PLCB4: variants seen among roughly 807,000 people sequenced by gnomAD.
PLCB4 encodes phospholipase C beta 4.
In PLCB4, 77 loss-of-function variants were observed where a neutral mutation model predicts 178.8. The observed-to-expected ratio is 0.43, with a 90% CI of 0.36 to 0.52. PLCB4 has a LOEUF of 0.52. PLCB4 is among the 20% of genes least tolerant of loss of function. The pLI is 0.00. For synonymous variants in PLCB4, 496 were observed against 490.8 expected, an observed-to-expected ratio of 1.01 and a Z score of -0.14; for missense variants, 1,024 against 1,453.4, an observed-to-expected ratio of 0.70 and a Z score of 4.80.
chr20:9,203,477 A>T (rs2093575609), intron 2 of PLCB4, among the ~76,000 whole-genome samples: 1 of 152,200 alleles, frequency 6.6e-6, no homozygotes, highest in Admixed American at 6.5e-5. Context: ...TTCCTATGCT[A>T]CTATTCTTAG....
intron 2 of PLCB4, among the ~76,000 whole-genome samples, chr20:9,210,758 C>G (rs139945473): frequency 8.0e-4 from 122 of 152,236 alleles, no homozygotes; most frequent in South Asian, 4.2e-4. Context: ...TGGGCAGCCT[C>G]TCTGTGAATG....
intron 2 of PLCB4, among the ~76,000 whole-genome samples, chr20:9,098,916 C>T (rs948082969): frequency 1.3e-5 from 2 of 149,144 alleles, no homozygotes; most frequent in South Asian, 4.3e-4. Context: ...TGTCTGGCGA[C>T]GTATATATAT....
At chr20:9,212,074 C>G (rs1346423379) in intron 2 of PLCB4, among the ~76,000 whole-genome samples, 1 of 152,152 alleles carries the variant, frequency 6.6e-6, no homozygotes, top group Non-Finnish European at 1.5e-5. Context: ...GTGGGCTTGA[C>G]CATGTAACTA....
intron 3 of PLCB4, among the ~76,000 whole-genome samples, chr20:9,280,074 C>T (rs1233744510): frequency 6.6e-6 from 1 of 151,990 alleles, no homozygotes; most frequent in Non-Finnish European, 1.5e-5. Context: ...AGCCAAGGCA[C>T]TTGTAATAAG....
At chr20:9,360,121 C>G (rs1039216976) in intron 7 of PLCB4, among the ~76,000 whole-genome samples, 4 of 152,170 alleles carry the variant, frequency 2.6e-5, no homozygotes, top group Admixed American at 2.6e-4. Flanking sequence ...CCTGTCTGCC[C>G]TGCACCAGCT....
At chr20:9,369,189 G>A (rs574157080) in intron 9 of PLCB4, among the ~76,000 whole-genome samples, 3 of 152,160 alleles carry the variant, frequency 2.0e-5, no homozygotes, top group African/African-American at 4.8e-5. Flanking sequence ...CTCCACACCC[G>A]CTGATTTCAT....
chr20:9,124,890 C>A (rs1360595766), intron 2 of PLCB4, among the ~76,000 whole-genome samples: 7 of 152,052 alleles, frequency 4.6e-5, no homozygotes, highest in Non-Finnish European at 1.0e-4. Flanking sequence ...GTTTTTATCT[C>A]CTGTATTGTA....
At chr20:9,149,871 G>A (rs1259270862) in intron 2 of PLCB4, among the ~76,000 whole-genome samples, 9 of 152,156 alleles carry the variant, frequency 5.9e-5, no homozygotes, top group Admixed American at 2.6e-4. Context: ...GGGAAAGGAC[G>A]GATTCAGGAC....
chr20:9,267,129 C>T (rs2094357255), intron 3 of PLCB4, among the ~76,000 whole-genome samples: 1 of 152,142 alleles, frequency 6.6e-6, no homozygotes, highest in Non-Finnish European at 1.5e-5. Context: ...AACTTAGGTA[C>T]TCTCTCTAGT....
At chr20:9,222,902 G>T (rs2093817073) in intron 3 of PLCB4, among the ~76,000 whole-genome samples, 1 of 152,166 alleles carries the variant, frequency 6.6e-6, no homozygotes, top group African/African-American at 2.4e-5. Context: ...AAGGAAATGA[G>T]GCAGCACCGT....
rs2093935188 is a variant in PLCB4 at position 9,231,718 on chromosome 20, A to C, written c.-16+14266A>C. On this transcript the variant is annotated intron_variant, in intron 3 of 39. Coordinates refer to ENST00000378473, the MANE Select transcript of PLCB4 (RefSeq NM_001377142.1). Reference sequence around the variant, plus strand: ...AAAGCAATCATAAAATTTTCAGTACATTTACATAAAAAACATCTTGGCAGA... The same window carrying C: ...AAAGCAATCATAAAATTTTCAGTACCTTTACATAAAAAACATCTTGGCAGA... Among the ~76,000 whole-genome samples the C allele has an allele frequency of 1.3e-5, 2 of 152,154 alleles. 1 individual carries two copies. The highest frequency in any genetic ancestry group is 4.1e-4 in the South Asian group (2 of 4,830).
intron 19 of PLCB4, among the ~76,000 whole-genome samples, chr20:9,399,098 G>A (rs190616734): frequency 2.0e-5 from 3 of 152,340 alleles, no homozygotes; most frequent in Admixed American, 1.3e-4. Flanking sequence ...ATGGCTTCAT[G>A]TATTATTCTT....
chr20:9,163,399 A>G (rs917166607), intron 2 of PLCB4, among the ~76,000 whole-genome samples: 8 of 152,200 alleles, frequency 5.3e-5, no homozygotes, highest in Non-Finnish European at 1.0e-4. Flanking sequence ...TTAGAGCCCC[A>G]GCAGGTGGAT....
intron 2 of PLCB4, among the ~76,000 whole-genome samples, chr20:9,204,766 T>TA (rs939120681): frequency 2.0e-5 from 3 of 152,132 alleles, no homozygotes; most frequent in African/African-American, 7.2e-5. Context: ...GGGGAATGTA[T>TA]ATTAGGCTTA....
chr20:9,405,680 G>A (rs2039385782), intron 21 of PLCB4, among the ~76,000 whole-genome samples: 1 of 152,172 alleles, frequency 6.6e-6, no homozygotes, highest in Admixed American at 6.5e-5. Context: ...CATTCTGGAA[G>A]ATCACTGATT....
intron 2 of PLCB4, among the ~76,000 whole-genome samples, chr20:9,110,059 T>G (rs892244031): frequency 2.0e-4 from 30 of 152,140 alleles, no homozygotes; most frequent in African/African-American, 7.2e-4. Flanking sequence ...ATTATTATTA[T>G]TAAGCAATGG....
chr20:9,364,275 T>C (rs1382828415), intron 8 of PLCB4, among the ~76,000 whole-genome samples: 2 of 152,202 alleles, frequency 1.3e-5, no homozygotes, highest in African/African-American at 4.8e-5. Flanking sequence ...TTAGAAGGCT[T>C]GCTTATACCT....
intron 3 of PLCB4, among the ~76,000 whole-genome samples, chr20:9,225,232 A>T (rs910613669): frequency 2.0e-5 from 3 of 152,182 alleles, no homozygotes; most frequent in East Asian, 1.9e-4. Flanking sequence ...CATAATATTA[A>T]TTTTTTTCAA....
At chr20:9,341,038 G>A (rs1032740032) in intron 7 of PLCB4, among the ~76,000 whole-genome samples, 1 of 152,110 alleles carries the variant, frequency 6.6e-6, no homozygotes, top group East Asian at 1.9e-4. Flanking sequence ...ACAGCAAGCT[G>A]GGCCAGAGTC....
Sources: gnomAD v4.1 joint callset for allele counts (sites outside exome capture counted in the v4.1 genomes callset) on GRCh38, gnomAD v4.1.1 for gene constraint, MANE v1.5 for transcripts, NCBI Gene and HGNC (gene_info 2026-07-23, HGNC 2026-07-21) for gene names.